Variants in PRELID2 observed in about 807,000 individuals in gnomAD.
PRELID2 encodes PRELI domain containing 2.
A neutral mutation model predicts 28.4 loss-of-function variants in PRELID2; 25 were observed. The ratio of observed to expected loss-of-function variants is 0.88; its 90% CI spans 0.64 to 1.23. The LOEUF (loss-of-function observed/expected upper bound fraction) is 1.23. PRELID2 is among the 50% of genes most tolerant of loss of function. The pLI is 0.00. For missense variants in PRELID2, 201 were observed against 214.4 expected (o/e 0.94, Z 0.39); for synonymous variants, 76 against 71.6 (o/e 1.06, Z -0.31).
chr5:145,559,849 A>AG (rs1554076316), intron 1 of PRELID2, among the ~76,000 whole-genome samples: 42 of 148,654 alleles, frequency 2.8e-4, no homozygotes, highest in African/African-American at 9.8e-4. Context: ...AAAAAAAAAA[A>AG]AAGAAGAAGA....
At chr5:145,336,933 A>G in the PRELID2 span, among the ~76,000 whole-genome samples, 2 of 122,862 alleles carry the variant, frequency 1.6e-5, no homozygotes, top group South Asian at 5.3e-4. Flanking sequence ...GGACCCAGGA[A>G]GGGGAACATC....
the PRELID2 span, among the ~76,000 whole-genome samples, chr5:145,379,135 A>G: frequency 1.3e-5 from 2 of 152,164 alleles, no homozygotes; most frequent in East Asian, 3.9e-4. Context: ...TAATTCTGGA[A>G]GATTTGTACT....
At position 145,748,476 on chromosome 5, in the gene PRELID2, G is replaced by A. The variant is rs148537748; in HGVS notation, n.70+16455C>T. 4.3e-3 allele frequency among the ~76,000 whole-genome samples: 656 copies of A among 152,188 alleles called. 4 individuals are homozygous for A. Among genetic ancestry groups the A allele is most frequent in the African/African-American group, 0.014 (586 of 41,526 alleles). The stretch of plus-strand genomic sequence containing the variant: ...ACCACTGCTCAAGGATATAAAAGAG[G>A]ACACAAACAAATGAAGAAACATTCC... On this transcript the variant is annotated intron_variant and non_coding_transcript_variant, in intron 1 of 2. Coordinates refer to the PRELID2 transcript ENST00000510259.
the PRELID2 span, among the ~76,000 whole-genome samples, chr5:145,234,443 G>A: frequency 6.6e-6 from 1 of 152,128 alleles, no homozygotes. Context: ...AGGTATGTCA[G>A]TCATTAGTCT....
At chr5:145,659,804 G>A (rs140025454) in intron 1 of PRELID2, among the ~76,000 whole-genome samples, 181 of 152,264 alleles carry the variant, frequency 1.2e-3, no homozygotes, top group South Asian at 8.1e-3. Context: ...GTTATGAATA[G>A]TGTAATACAA....
At chr5:145,435,080 G>C in the PRELID2 span, among the ~76,000 whole-genome samples, 1 of 152,224 alleles carries the variant, frequency 6.6e-6, no homozygotes, top group Admixed American at 6.5e-5. Context: ...AAGCACTGCT[G>C]TAGCAGCTGG....
intron 1 of PRELID2, among the ~76,000 whole-genome samples, chr5:145,594,165 CTTGTATATGT>C (rs1202075418): frequency 6.6e-6 from 1 of 151,994 alleles, no homozygotes; most frequent in African/African-American, 2.4e-5. Context: ...ATGATATTCT[CTTGTATATGT>C]TTGCATTTTT....
chr5:145,442,497 A>G, the PRELID2 span, among the ~76,000 whole-genome samples: 1 of 151,936 alleles, frequency 6.6e-6, no homozygotes, highest in Non-Finnish European at 1.5e-5. Context: ...AATAATAGAC[A>G]CACACAAGAT....
At chr5:145,522,799 G>A (rs1375318566) in intron 1 of PRELID2, among the ~76,000 whole-genome samples, 1 of 151,728 alleles carries the variant, frequency 6.6e-6, no homozygotes, top group Non-Finnish European at 1.5e-5. Flanking sequence ...AGAAGAGGAG[G>A]AGGATGAGAG....
chr5:145,624,614 GAAGT>G (rs1341986397), intron 1 of PRELID2, among the ~76,000 whole-genome samples: 1 of 152,140 alleles, frequency 6.6e-6, no homozygotes, highest in Non-Finnish European at 1.5e-5. Context: ...TTAAAGGCTT[GAAGT>G]AAGAAACAAA....
chr5:145,589,977 A>T (rs189465618), intron 1 of PRELID2, among the ~76,000 whole-genome samples: 2 of 152,290 alleles, frequency 1.3e-5, no homozygotes, highest in Non-Finnish European at 2.9e-5. Flanking sequence ...TGCATTCTTT[A>T]ATATGCATGA....
chr5:145,608,039 C>A (rs1408262919), intron 1 of PRELID2, among the ~76,000 whole-genome samples: 1 of 132,942 alleles, frequency 7.5e-6, no homozygotes, highest in African/African-American at 3.7e-5. Flanking sequence ...ATTTAAAGCC[C>A]GTTTTTTTTT....
In PRELID2 at chr5:145,758,199, T is replaced by C. The variant is rs1757318082; in HGVS notation, c.*2337A>G. On this transcript the variant is annotated 3_prime_UTR_variant, in exon 7 of 7. Transcript: ENST00000683046. ...TTTAATTCTGTCTTTTCTTAGAAAA[T>C]TGGAAATAGGAAATACTAAAAAAGA... 6.6e-6 allele frequency among the ~76,000 whole-genome samples: 1 copy of C among 151,768 alleles called. No individual in the cohort carries two copies. Among genetic ancestry groups the C allele is most frequent in the South Asian group, 2.1e-4 (1 of 4,786 alleles).
At chr5:145,385,659 G>C in the PRELID2 span, among the ~76,000 whole-genome samples, 3 of 152,156 alleles carry the variant, frequency 2.0e-5, no homozygotes, top group African/African-American at 7.2e-5. Context: ...AGAACTTTTG[G>C]CCTATAAGTA....
At chr5:145,484,960 T>C (rs1258049077) in intron 1 of PRELID2, among the ~76,000 whole-genome samples, 2 of 152,176 alleles carry the variant, frequency 1.3e-5, no homozygotes, top group Non-Finnish European at 2.9e-5. Context: ...CTCTTCTAGC[T>C]TCTGAGGGTA....
At chr5:145,647,144 T>C (rs554875422) in intron 1 of PRELID2, among the ~76,000 whole-genome samples, 94 of 152,310 alleles carry the variant, frequency 6.2e-4, no homozygotes, top group East Asian at 5.8e-4. Flanking sequence ...AGGTGCTCTG[T>C]CCCAGGGAGA....
At chr5:145,508,980 C>T (rs1199134647) in intron 1 of PRELID2, among the ~76,000 whole-genome samples, 1 of 152,126 alleles carries the variant, frequency 6.6e-6, no homozygotes, top group South Asian at 2.1e-4. Context: ...AGTCCAAATT[C>T]ATAATCATAG....
At chr5:145,670,207 C>T (rs1269997163) in intron 1 of PRELID2, among the ~76,000 whole-genome samples, 1 of 152,098 alleles carries the variant, frequency 6.6e-6, no homozygotes, top group Non-Finnish European at 1.5e-5. Flanking sequence ...CTTCCAATCA[C>T]AGCAGAAGGC....
chr5:145,725,407 C>G (rs1756117711), intron 1 of PRELID2, among the ~76,000 whole-genome samples: 1 of 152,092 alleles, frequency 6.6e-6, no homozygotes, highest in Non-Finnish European at 1.5e-5. Context: ...GGAATAGAAA[C>G]CAGTATAGCC....
Sources: allele counts gnomAD v4.1 joint callset (sites outside exome capture counted in the v4.1 genomes callset), GRCh38; gene constraint gnomAD v4.1.1; transcripts MANE v1.5; gene names NCBI Gene and HGNC (gene_info 2026-07-23, HGNC 2026-07-21).